Variants in USP44 observed in about 807,000 individuals in gnomAD.
USP44 encodes ubiquitin specific peptidase 44.
Under a neutral mutation model 69.0 loss-of-function variants are expected in USP44, and 61 were observed. That is an observed-to-expected ratio of 0.88 (90% CI 0.72 to 1.09). The LOEUF (loss-of-function observed/expected upper bound fraction) is 1.09, where lower values mean the gene tolerates loss of function less well. Among genes scored for constraint, USP44 ranks in the 50% least tolerant of loss-of-function variants. The probability of loss-of-function intolerance (pLI) is 0.00; values close to 1 mark genes in which losing one functional copy is unlikely to be tolerated. For synonymous variants in USP44, 297 were observed against 295.4 expected (o/e 1.01, Z -0.06); for missense variants, 753 against 849.9 (o/e 0.89, Z 1.42).
chr12:95,526,555 G>C (rs139864509), intron 3 of USP44, among the ~76,000 whole-genome samples: 1 of 152,160 alleles, frequency 6.6e-6, no homozygotes, highest in African/African-American at 2.4e-5. Flanking sequence ...ATGGGTGACA[G>C]AGCGAGATTC....
chr12:95,532,597 T>C (rs1470467548), intron 2 of USP44, among the ~76,000 whole-genome samples: 2 of 152,166 alleles, frequency 1.3e-5, no homozygotes, highest in African/African-American at 4.8e-5. Context: ...CGTCTCCTGA[T>C]TTCTCCCTCC....
intron 2 of USP44, among the ~76,000 whole-genome samples, chr12:95,531,469 TATA>T (rs1431166888): frequency 6.6e-6 from 1 of 152,212 alleles, no homozygotes; most frequent in Non-Finnish European, 1.5e-5. Flanking sequence ...TCTTTCCTTC[TATA>T]TAGATTTCCT....
intron 1 of USP44, among the ~76,000 whole-genome samples, chr12:95,543,579 G>C (rs773034962): frequency 3.3e-5 from 5 of 151,832 alleles, no homozygotes; most frequent in African/African-American, 4.8e-5. Context: ...AAAAATCCAC[G>C]CGTGGCAGTG....
chr12:95,536,520 T>C (rs2140315350), intron 1 of USP44, among the ~76,000 whole-genome samples: 1 of 152,316 alleles, frequency 6.6e-6, no homozygotes, highest in Admixed American at 6.5e-5. Context: ...CATATCTTTC[T>C]GTACTGAGGC....
At chr12:95,521,923 C>T (rs2076677774) in intron 4 of USP44, 4 of 558,982 alleles carry the variant, frequency 7.2e-6, no homozygotes, top group Middle Eastern at 9.2e-4. Context: ...CCTCAGAACA[C>T]TTCAGAGATT....
rs563523152 is a variant in USP44, at chr12:95,549,969, A to T, written c.-71+1303T>A. Among the ~76,000 whole-genome samples the T allele has an allele frequency of 2.0e-5, 3 of 152,292 alleles. No individual in the cohort carries two copies. The East Asian group carries it at 5.8e-4, about 29-fold the overall frequency. On this transcript the variant is annotated intron_variant, in intron 1 of 5. Transcript: ENST00000258499. ...CAAGGCGGGTGGATCACCTGAGGTC[A>T]GGAGTTCGAGAGCAGCCTGGCCAAC... is the stretch of plus-strand genomic sequence containing the variant.
In USP44 at chr12:95,529,022, T is replaced by C. The variant is rs1205058934; in HGVS notation, c.1429-20A>G. The C allele has an allele frequency of 5.1e-6, 8 of 1,578,180 alleles. No homozygotes were observed. Among genetic ancestry groups the C allele is most frequent in the South Asian group, 1.2e-5 (1 of 84,976 alleles). ...TGTAACCTGCAAATGAGAATATGAG[T>C]TCCTAAGATTATAATCTTTCCATCA... On this transcript the variant is annotated intron_variant, in intron 2 of 5. Transcript: ENST00000258499.
intron 1 of USP44, among the ~76,000 whole-genome samples, chr12:95,549,411 A>G (rs995920848): frequency 6.6e-6 from 1 of 152,182 alleles, no homozygotes; most frequent in African/African-American, 2.4e-5. Flanking sequence ...TGCCCATTTA[A>G]ATAATGAAGT....
At chr12:95,529,424 T>G (rs992673157) in intron 2 of USP44, among the ~76,000 whole-genome samples, 2 of 151,404 alleles carry the variant, frequency 1.3e-5, no homozygotes, top group African/African-American at 4.8e-5. Flanking sequence ...CACTGTTTCT[T>G]TCATCTTTTT....
At position 95,528,821 on chromosome 12, in the gene USP44, C is replaced by T; in HGVS notation, c.1610G>A (p.Cys537Tyr). 6.2e-7 allele frequency: 1 copy of T among 1,613,906 alleles called. No homozygotes were observed. The highest frequency in any genetic ancestry group is 8.5e-7 in the Non-Finnish European group (1 of 1,179,972). ...TCTTTACTCACAGTTACACTGGTCA[C>T]ATACGTAGATTTTTCCTTCTAAAGC... ...TEALEGKIYV[C>Y]DQCNSKRRRF... is the part of the protein sequence containing the mutation. The change falls in exon 3 of 6, where the codon TGT becomes TAT. Residue 537 changes from cysteine to tyrosine, a missense_variant. Cys to Tyr is a radical substitution (Grantham distance 194). Coordinates refer to ENST00000258499, the MANE Select transcript of USP44 (RefSeq NM_032147.5).
At chr12:95,520,742 C>T (rs1592664303) in intron 5 of USP44, among the ~76,000 whole-genome samples, 1 of 152,288 alleles carries the variant, frequency 6.6e-6, no homozygotes, top group Admixed American at 6.5e-5. Flanking sequence ...AGTTAACACT[C>T]TGACTTTTAG....
chr12:95,551,235 C>T (rs1428661321), intron 1 of USP44, 37 bp downstream of exon 1: 1 of 152,126 alleles, frequency 6.6e-6, no homozygotes, highest in Non-Finnish European at 1.5e-5. Context: ...AAGCCTCCTT[C>T]CCTGCCCACC....
chr12:95,526,143 T>A (rs1394638262), intron 3 of USP44, among the ~76,000 whole-genome samples: 1 of 152,176 alleles, frequency 6.6e-6, no homozygotes, highest in Non-Finnish European at 1.5e-5. Flanking sequence ...ACATAGAAAT[T>A]TGCTATAAAA....
At chr12:95,536,190 G>A (rs2077199316) in intron 1 of USP44, among the ~76,000 whole-genome samples, 1 of 151,832 alleles carries the variant, frequency 6.6e-6, no homozygotes, top group South Asian at 2.1e-4. Context: ...CCACAGGCAT[G>A]TGCCATTACG....
intron 2 of USP44, 133 bp downstream of exon 2, chr12:95,532,696 T>C (rs2077058931): frequency 1.4e-6 from 1 of 724,658 alleles, no homozygotes; most frequent in African/African-American, 1.8e-5. Flanking sequence ...TCTATACATA[T>C]TTATAAAAAC....
rs1459453102 is a variant in USP44 at position 95,532,907 on chromosome 12, G to T, written c.1350C>A (p.Ile450=). The change falls in exon 2 of 6, where the codon ATC becomes ATA. Residue 450 remains isoleucine (I), a synonymous_variant. Transcript: ENST00000258499. The part of the protein sequence containing the change: ...ETTGTSLPAL[I]PTSQRKLIKQ... ...TGATGAGTTTCCTTTGAGAAGTGGG[G>T]ATAAGAGCTGGTAAACTGGTACCAG... 6.2e-7 allele frequency: 1 copy of T among 1,613,944 alleles called. No homozygotes were observed. Among genetic ancestry groups the T allele is most frequent in the Non-Finnish European group, 8.5e-7 (1 of 1,179,974 alleles).
At chr12:95,535,281 T>A (rs1223299410) in intron 1 of USP44, 2 of 152,210 alleles carry the variant, frequency 1.3e-5, no homozygotes. Context: ...TAGTTTTAAT[T>A]GTATCTATAG....
intron 1 of USP44, among the ~76,000 whole-genome samples, chr12:95,540,252 G>C (rs189113142): frequency 6.6e-6 from 1 of 151,914 alleles, no homozygotes; most frequent in East Asian, 1.9e-4. Context: ...GCTTTTTATC[G>C]GGTATTTTTC....
chr12:95,537,994 T>G (rs1415208753), intron 1 of USP44, among the ~76,000 whole-genome samples: 4 of 152,232 alleles, frequency 2.6e-5, no homozygotes, highest in Admixed American at 2.6e-4. Flanking sequence ...CTAAAAAATC[T>G]ATTTAGATAA....
Sources: allele counts gnomAD v4.1 joint callset (sites outside exome capture counted in the v4.1 genomes callset), GRCh38; gene constraint gnomAD v4.1.1; transcripts MANE v1.5; gene names NCBI Gene and HGNC (gene_info 2026-07-23, HGNC 2026-07-21).